OSTF1: variants seen among roughly 807,000 people sequenced by gnomAD.
OSTF1 encodes the protein osteoclast-stimulating factor 1.
A neutral mutation model predicts 37.2 loss-of-function variants in OSTF1; 27 were observed. The ratio of observed to expected loss-of-function variants is 0.73; its 90% CI spans 0.54 to 1.00. The LOEUF (loss-of-function observed/expected upper bound fraction) is 1.00. OSTF1 is among the 50% of genes least tolerant of loss of function. The probability of loss-of-function intolerance (pLI) is 0.00; values close to 1 mark genes in which losing one functional copy is unlikely to be tolerated. For synonymous variants in OSTF1, 82 were observed against 89.2 expected (o/e 0.92, Z 0.46); for missense variants, 232 against 253.8 (o/e 0.91, Z 0.58).
Position 75,137,555 on chromosome 9 carries a change from A to T in OSTF1, c.426A>T (p.Thr142=). The change falls in exon 8 of 10, where the codon ACA becomes ACT. Residue 142 remains threonine (T), a synonymous_variant. Transcript: ENST00000346234. Reference sequence around the variant, plus strand: ...CACTATAGAACAAGTTGGGAGATACAGCTTTGCATGCTGCTGCCTGGAAGG... The same window carrying T: ...CACTATAGAACAAGTTGGGAGATACTGCTTTGCATGCTGCTGCCTGGAAGG... ...ELNQQNKLGD[T]ALHAAAWKGY... 6.2e-7 allele frequency: 1 copy of T among 1,611,256 alleles called. No homozygotes were observed. Among genetic ancestry groups the T allele is most frequent in the Non-Finnish European group, 8.5e-7 (1 of 1,177,386 alleles).
At chr9:75,106,905 G>C (rs1257375955) in intron 1 of OSTF1, among the ~76,000 whole-genome samples, 2 of 146,360 alleles carry the variant, frequency 1.4e-5, no homozygotes, top group African/African-American at 2.5e-5. Context: ...AGTGAGCCCA[G>C]ATTATGCCAC....
At chr9:75,091,294 T>G (rs893330507) in intron 1 of OSTF1, among the ~76,000 whole-genome samples, 6 of 151,832 alleles carry the variant, frequency 4.0e-5, no homozygotes, top group Non-Finnish European at 7.4e-5. Context: ...TCCAGGCTGG[T>G]CTTGAACTCC....
At chr9:75,136,440 T>TG (rs1165805177) in intron 7 of OSTF1, among the ~76,000 whole-genome samples, 2 of 152,154 alleles carry the variant, frequency 1.3e-5, no homozygotes, top group East Asian at 3.9e-4. Context: ...TTGTCCAGGC[T>TG]GGGGCGTAGT....
At chr9:75,104,952 A>G (rs1825258343) in intron 1 of OSTF1, among the ~76,000 whole-genome samples, 1 of 152,208 alleles carries the variant, frequency 6.6e-6, no homozygotes, top group African/African-American at 2.4e-5. Flanking sequence ...AATAGGGTTA[A>G]TAGAACATTT....
chr9:75,102,464 A>G (rs1825210640), intron 1 of OSTF1, among the ~76,000 whole-genome samples: 1 of 152,190 alleles, frequency 6.6e-6, no homozygotes. Context: ...AGAGTGAATC[A>G]CTCAAAGTAA....
At chr9:75,097,567 C>G (rs2118397155) in intron 1 of OSTF1, among the ~76,000 whole-genome samples, 1 of 152,286 alleles carries the variant, frequency 6.6e-6, no homozygotes, top group South Asian at 2.1e-4. Context: ...GATGGCCATT[C>G]ATGAACAACC....
intron 2 of OSTF1, among the ~76,000 whole-genome samples, chr9:75,123,454 A>C (rs1419935372): frequency 6.6e-6 from 1 of 152,206 alleles, no homozygotes; most frequent in African/African-American, 2.4e-5. Context: ...CAAAAAACAA[A>C]GAAAAGCTGG....
intron 1 of OSTF1, among the ~76,000 whole-genome samples, chr9:75,093,036 T>C (rs1825006156): frequency 6.8e-6 from 1 of 147,562 alleles, no homozygotes; most frequent in Admixed American, 7.0e-5. Flanking sequence ...CTTTCTTTCT[T>C]TCTTTCTCTC....
At position 75,088,643 on chromosome 9, in the gene OSTF1, C is replaced by T. The variant is rs540458857; in HGVS notation, c.-50C>T. 43 of 1,585,632 alleles carry T rather than the reference C, an allele frequency of 2.7e-5. No homozygotes were observed. In the East Asian group the frequency reaches 5.1e-4, roughly 19 times the overall value. ...CCCGGAGTGCCAGGTGGCGGGCAAG[C>T]GGTGGGCTTTTCGGCGGGGTCTTTA... is the stretch of plus-strand genomic sequence containing the variant. On this transcript the variant is annotated 5_prime_UTR_variant, in exon 1 of 10. Coordinates refer to ENST00000346234, the MANE Select transcript of OSTF1 (RefSeq NM_012383.5).
chr9:75,125,019 C>T (rs1262298140), intron 2 of OSTF1, among the ~76,000 whole-genome samples: 1 of 152,174 alleles, frequency 6.6e-6, no homozygotes, highest in African/African-American at 2.4e-5. Flanking sequence ...CAGACTTCTT[C>T]AAGGCATTGA....
At chr9:75,126,844 G>C (rs1248470275) in intron 2 of OSTF1, among the ~76,000 whole-genome samples, 1 of 152,162 alleles carries the variant, frequency 6.6e-6, no homozygotes, top group Non-Finnish European at 1.5e-5. Flanking sequence ...ACCTGCCTTG[G>C]TCTCCCAAAG....
intron 1 of OSTF1, among the ~76,000 whole-genome samples, chr9:75,110,590 T>G (rs1316970949): frequency 1.3e-5 from 2 of 152,216 alleles, no homozygotes; most frequent in Non-Finnish European, 2.9e-5. Context: ...TTAACATTCT[T>G]AAAAAGACAT....
chr9:75,137,571 G>T lies in OSTF1; in HGVS notation c.442G>T (p.Ala148Ser). ...GGGAGATACAGCTTTGCATGCTGCT[G>T]CCTGGAAGGGTTATGCAGATATCGT... ...KLGDTALHAA[A>S]WKGYADIVQL... is the part of the protein sequence containing the mutation. The change falls in exon 8 of 10, where the codon GCC becomes TCC. Residue 148 changes from alanine to serine, a missense_variant. By Grantham distance (99) the Ala-to-Ser change is moderately conservative. Coordinates refer to ENST00000346234, the MANE Select transcript of OSTF1 (RefSeq NM_012383.5). 4 of 1,613,134 alleles carry T rather than the reference G, an allele frequency of 2.5e-6. No homozygotes were observed. The highest frequency in any genetic ancestry group is 1.7e-4 in the Middle Eastern group (1 of 6,058).
At position 75,088,675 on chromosome 9, in the gene OSTF1, G is replaced by C; in HGVS notation, c.-18G>C. 6.2e-7 allele frequency: 1 copy of C among 1,606,760 alleles called. No individual in the cohort carries two copies. The highest frequency in any genetic ancestry group is 8.5e-7 in the Non-Finnish European group (1 of 1,176,526). ...CTTTTCGGCGGGGTCTTTAGGATTTGCAGCTCCAGGAAGCGAGATGTCGAA... is the reference window on the plus strand; with the variant it reads ...CTTTTCGGCGGGGTCTTTAGGATTTCCAGCTCCAGGAAGCGAGATGTCGAA... On this transcript the variant is annotated 5_prime_UTR_variant, in exon 1 of 10. Coordinates refer to ENST00000346234, the MANE Select transcript of OSTF1 (RefSeq NM_012383.5).
chr9:75,105,171 C>G (rs564981318), intron 1 of OSTF1, among the ~76,000 whole-genome samples: 85 of 152,306 alleles, frequency 5.6e-4, no homozygotes, highest in Non-Finnish European at 1.0e-3. Flanking sequence ...GGGAGGAAGT[C>G]ATGACCCAGA....
At position 75,130,611 on chromosome 9, in the gene OSTF1, G is replaced by A. The variant is rs1355576585; in HGVS notation, c.166G>A (p.Gly56Ser). Reference sequence around the variant, plus strand: ...CAATTGGTGGAAAGGCACCTCCAAAGGCAGGACTGGACTAATTCCAAGCAA... The same window carrying A: ...CAATTGGTGGAAAGGCACCTCCAAAAGCAGGACTGGACTAATTCCAAGCAA... ...DTNWWKGTSK[G>S]RTGLIPSNYV... Residue 56 changes from glycine (G) to serine (S), a missense_variant, in exon 4 of 10, where the codon GGC (glycine) becomes AGC (serine). Coordinates refer to ENST00000346234, the MANE Select transcript of OSTF1 (RefSeq NM_012383.5). 6.2e-7 allele frequency: 1 copy of A among 1,612,394 alleles called. No individual in the cohort carries two copies. Among genetic ancestry groups the A allele is most frequent in the East Asian group, 2.2e-5 (1 of 44,870 alleles).
At chr9:75,139,673 T>C (rs746482863) in intron 8 of OSTF1, among the ~76,000 whole-genome samples, 1 of 152,254 alleles carries the variant, frequency 6.6e-6, no homozygotes, top group Non-Finnish European at 1.5e-5. Flanking sequence ...TCTGCCCGCC[T>C]TGGCCTCCTA....
chr9:75,107,072 A>G (rs566410047), intron 1 of OSTF1, among the ~76,000 whole-genome samples: 31 of 151,866 alleles, frequency 2.0e-4, no homozygotes, highest in African/African-American at 6.5e-4. Flanking sequence ...TAATCACCTC[A>G]TTTATGGGTG....
chr9:75,089,636 G>A lies in OSTF1; in HGVS notation c.34+910G>A, dbSNP rs189220650. Among the ~76,000 whole-genome samples the A allele has an allele frequency of 2.0e-5, 3 of 152,290 alleles. No individual in the cohort carries two copies. The East Asian group carries it at 5.8e-4, about 29-fold the overall frequency. On this transcript the variant is annotated intron_variant, in intron 1 of 9. Transcript: ENST00000346234. ...ACAACTCTTACGTGCATTCATTTGG[G>A]TAGGTAATTAAGGGAAATACAGGAA...
Sources: allele counts gnomAD v4.1 joint callset (sites outside exome capture counted in the v4.1 genomes callset), GRCh38; gene constraint gnomAD v4.1.1; transcripts MANE v1.5; gene names NCBI Gene and HGNC (gene_info 2026-07-23, HGNC 2026-07-21).